SERPINI1: variants seen among roughly 807,000 people sequenced by gnomAD.
SERPINI1 encodes neuroserpin.
SERPINI1 carries 19 observed loss-of-function variants against 41.1 expected under a neutral mutation model. The observed-to-expected ratio is 0.46, with a 90% CI of 0.32 to 0.68. SERPINI1 has a LOEUF of 0.68. Among genes scored for constraint, SERPINI1 ranks in the 30% least tolerant of loss-of-function variants. The pLI is 0.03. For synonymous variants in SERPINI1, 138 were observed against 156.6 expected (o/e 0.88, Z 0.89); for missense variants, 460 against 479.2 (o/e 0.96, Z 0.37).
rs754927760 is a variant in SERPINI1 at position 167,789,118 on chromosome 3, A to G, written c.-11A>G. The G allele has an allele frequency of 3.1e-6, 5 of 1,613,498 alleles. No individual in the cohort carries two copies. The South Asian group carries it at 5.5e-5, about 18-fold the overall frequency. On this transcript the variant is annotated 5_prime_UTR_variant, in exon 2 of 9. Coordinates refer to ENST00000446050, the MANE Select transcript of SERPINI1 (RefSeq NM_001122752.2). ...TAAATTGTTGTTTTTTAGGCTTGAA[A>G]CTGTTACAATATGGCTTTCCTTGGA...
At chr3:167,799,548 G>A (rs560387587) in intron 5 of SERPINI1, among the ~76,000 whole-genome samples, 1 of 152,214 alleles carries the variant, frequency 6.6e-6, no homozygotes, top group African/African-American at 2.4e-5. Flanking sequence ...AATCCTTTGG[G>A]TATATACCCA....
At chr3:167,744,279 A>G (rs1336720880) in intron 1 of SERPINI1, among the ~76,000 whole-genome samples, 1 of 152,086 alleles carries the variant, frequency 6.6e-6, no homozygotes, top group African/African-American at 2.4e-5. Context: ...AGAGTGCATT[A>G]CACAGTAACT....
Position 167,789,352 on chromosome 3 carries a change from C to G in SERPINI1, c.224C>G (p.Ser75Ter). Reference sequence around the variant, plus strand: ...TCTACCCAGAAAGAAATCCGCCACTCAATGGGATATGACAGCCTAAAAAAT... The same window carrying G: ...TCTACCCAGAAAGAAATCCGCCACTGAATGGGATATGACAGCCTAAAAAAT... ...QGSTQKEIRH[S>*]MGYDSLKNGE... The change falls in exon 2 of 9, where the codon TCA becomes TGA. Residue 75 changes from serine (S) to a stop codon, truncating the protein, a stop_gained. Transcript: ENST00000446050. LOFTEE classifies it high-confidence loss of function. The G allele has an allele frequency of 6.2e-7, 1 of 1,614,124 alleles. No individual in the cohort carries two copies. Among genetic ancestry groups the G allele is most frequent in the Non-Finnish European group, 8.5e-7 (1 of 1,180,002 alleles).
chr3:167,789,035 C>T, intron 1 of SERPINI1, 76 bp from the exon 2 acceptor site: 4 of 1,417,746 alleles, frequency 2.8e-6, no homozygotes, highest in Non-Finnish European at 3.9e-6. Context: ...AAAAGTAGAA[C>T]CTCCCAACAT....
intron 2 of SERPINI1, 42 bp downstream of exon 2, chr3:167,789,420 G>T: frequency 1.2e-6 from 2 of 1,610,800 alleles, no homozygotes; most frequent in South Asian, 2.2e-5. Context: ...TTTTGAATTT[G>T]ACTTTGACTC....
At chr3:167,755,920 A>G (rs1316421400) in intron 1 of SERPINI1, among the ~76,000 whole-genome samples, 2 of 151,436 alleles carry the variant, frequency 1.3e-5, no homozygotes, top group African/African-American at 4.9e-5. Context: ...CCGCTGACTG[A>G]AAGAGATGTA....
At chr3:167,792,424 G>A (rs1727558138) in intron 3 of SERPINI1, among the ~76,000 whole-genome samples, 166 bp from the exon 4 acceptor site, 1 of 151,770 alleles carries the variant, frequency 6.6e-6, no homozygotes, top group African/African-American at 2.4e-5. Flanking sequence ...ATGTGTGTGT[G>A]TATAACTCTT....
intron 1 of SERPINI1, among the ~76,000 whole-genome samples, chr3:167,770,184 T>C (rs1275970054): frequency 6.6e-6 from 1 of 151,962 alleles, no homozygotes; most frequent in Non-Finnish European, 1.5e-5. Context: ...TGTATATATT[T>C]ACATATGAAT....
intron 1 of SERPINI1, among the ~76,000 whole-genome samples, chr3:167,778,770 G>T (rs1200385263): frequency 2.6e-5 from 4 of 152,214 alleles, no homozygotes; most frequent in Non-Finnish European, 4.4e-5. Flanking sequence ...CAGAATTCAG[G>T]CCCTTACCAT....
intron 6 of SERPINI1, among the ~76,000 whole-genome samples, chr3:167,809,970 G>C (rs964169434): frequency 1.3e-5 from 2 of 152,112 alleles, no homozygotes; most frequent in African/African-American, 4.8e-5. Flanking sequence ...GGAATTCTTT[G>C]ATTATTACAT....
intron 1 of SERPINI1, among the ~76,000 whole-genome samples, chr3:167,750,216 C>T (rs550473080): frequency 1.3e-5 from 2 of 152,186 alleles, no homozygotes; most frequent in Non-Finnish European, 2.9e-5. Context: ...TTCTGGATGT[C>T]ACTACATGTA....
Position 167,824,419 on chromosome 3 carries a change from T to C in SERPINI1, c.1067-54T>C, listed in dbSNP as rs2108576053. 2.0e-5 allele frequency: 26 copies of C among 1,320,864 alleles called. No homozygotes were observed. The South Asian group carries it at 3.1e-4, about 16-fold the overall frequency. The allele number at this position is 1,320,864 out of a possible 1,614,324, so 81.8% of individuals were successfully genotyped here. On this transcript the variant is annotated intron_variant, in intron 7 of 8. Coordinates refer to ENST00000446050, the MANE Select transcript of SERPINI1 (RefSeq NM_001122752.2). ...GGCATAGATGGTTTTGAGGAATTAC[T>C]CATTAGTCTCTGCACATCCACAGAC...
chr3:167,758,757 T>C lies in SERPINI1; in HGVS notation c.-19+22934T>C, dbSNP rs148044831. 4.2e-3 allele frequency among the ~76,000 whole-genome samples: 643 copies of C among 152,324 alleles called. 4 individuals are homozygous for C. The highest frequency in any genetic ancestry group is 6.8e-3 in the Middle Eastern group (2 of 294). On this transcript the variant is annotated intron_variant, in intron 1 of 8. Coordinates refer to ENST00000446050, the MANE Select transcript of SERPINI1 (RefSeq NM_001122752.2). ...TAAACGAGGTCTATAGATTACTCAA[T>C]AACATTGTATCAGTGTTAATTTCCT... is the stretch of plus-strand genomic sequence containing the variant.
At chr3:167,779,640 C>G (rs1005869284) in intron 1 of SERPINI1, among the ~76,000 whole-genome samples, 5 of 152,166 alleles carry the variant, frequency 3.3e-5, no homozygotes, top group Non-Finnish European at 5.9e-5. Context: ...CAGTAATCAT[C>G]TTGGCCCATT....
rs144505911 is a variant in SERPINI1 at position 167,812,096 on chromosome 3, C to A, written c.979+4755C>A. Reference sequence around the variant, plus strand: ...CAAGTCCACTCTTTCATTTTTTATTCCATGGCATCCACTCTTATTTGAGAC... The same window carrying A: ...CAAGTCCACTCTTTCATTTTTTATTACATGGCATCCACTCTTATTTGAGAC... On this transcript the variant is annotated intron_variant, in intron 6 of 8. Coordinates refer to ENST00000446050, the MANE Select transcript of SERPINI1 (RefSeq NM_001122752.2). Among the ~76,000 whole-genome samples, 854 of 152,248 alleles carry A rather than the reference C, an allele frequency of 5.6e-3. 26 individuals are homozygous for A. The highest frequency in any genetic ancestry group is 0.046 in the Admixed American group (698 of 15,292).
intron 1 of SERPINI1, among the ~76,000 whole-genome samples, chr3:167,784,904 A>G (rs1421587936): frequency 6.6e-6 from 1 of 152,188 alleles, no homozygotes; most frequent in Non-Finnish European, 1.5e-5. Context: ...ATACCTAGGA[A>G]ACATTTTTTC....
At chr3:167,750,859 C>T (rs953171453) in intron 1 of SERPINI1, among the ~76,000 whole-genome samples, 1 of 152,014 alleles carries the variant, frequency 6.6e-6, no homozygotes, top group Non-Finnish European at 1.5e-5. Flanking sequence ...TGGAATTGTC[C>T]ATATTTACTT....
intron 1 of SERPINI1, among the ~76,000 whole-genome samples, chr3:167,783,734 C>A (rs185272928): frequency 7.9e-5 from 12 of 152,226 alleles, no homozygotes; most frequent in Admixed American, 2.0e-4. Context: ...GTAGCAGAGG[C>A]AAAGGAGGGA....
chr3:167,821,640 C>G (rs1005996137), intron 6 of SERPINI1, among the ~76,000 whole-genome samples: 2 of 152,160 alleles, frequency 1.3e-5, no homozygotes, highest in African/African-American at 4.8e-5. Flanking sequence ...TGCAGCCTGC[C>G]AGGCCGAGTG....
Sources: allele counts gnomAD v4.1 joint callset (sites outside exome capture counted in the v4.1 genomes callset), GRCh38; gene constraint gnomAD v4.1.1; transcripts MANE v1.5; gene names NCBI Gene and HGNC (gene_info 2026-07-23, HGNC 2026-07-21).